The following RNPC3 variants were observed in gnomAD, a reference collection of about 807,000 sequenced individuals.
RNPC3 encodes the protein RNA binding region (RNP1, RRM) containing 3, also known as RNA-binding region-containing protein 3.
Under a neutral mutation model 67.5 loss-of-function variants are expected in RNPC3, and 48 were observed. That is an observed-to-expected ratio of 0.71 (90% CI 0.56 to 0.90). The LOEUF is 0.90. Ranked by LOEUF, RNPC3 falls within the 40% of genes least tolerant of loss-of-function variation. The pLI, the probability that RNPC3 is intolerant of heterozygous loss-of-function variation, is 0.00. For missense variants in RNPC3, 637 were observed against 626.1 expected (o/e 1.02, Z -0.19); for synonymous variants, 239 against 210.3 (o/e 1.14, Z -1.18).
Position 103,543,354 on chromosome 1 carries a change from A to G in RNPC3, c.952A>G (p.Asn318Asp). ...ATTTGACCAACCACAACCTGTAGGT[A>G]ACAAAAGAATTGAATTCCATATATC... is the stretch of plus-strand genomic sequence containing the variant. Reference protein sequence around the residue: ...DVFDQPQPVGNKRIEFHISTD... With the variant: ...DVFDQPQPVGDKRIEFHISTD... Residue 318 changes from asparagine (N) to aspartate (D), a missense_variant, in exon 9 of 15, where the codon AAC (asparagine) becomes GAC (aspartate). Asn to Asp is a conservative substitution (Grantham distance 23, BLOSUM62 1). Around this residue, in one of 3 missense-constraint regions of RNPC3, gnomAD observed 536 missense variants for 500.3 expected, o/e 1.07. Coordinates refer to ENST00000423855, the MANE Select transcript of RNPC3 (RefSeq NM_017619.4). 6.6e-7 allele frequency: 1 copy of G among 1,516,614 alleles called. No homozygotes were observed. Among genetic ancestry groups the G allele is most frequent in the Non-Finnish European group, 8.8e-7 (1 of 1,138,032 alleles). 93.9% of individuals were successfully genotyped at this position (1,516,614 alleles called of 1,614,324 possible).
At chr1:103,530,515 G>A (rs1030711503) in intron 2 of RNPC3, among the ~76,000 whole-genome samples, 1 of 152,162 alleles carries the variant, frequency 6.6e-6, no homozygotes, top group Non-Finnish European at 1.5e-5. Context: ...CAGACATAGT[G>A]GGAGTGATCT....
chr1:103,527,692 C>A lies in RNPC3; in HGVS notation c.193-3C>A, dbSNP rs1650752810. ...AGTAATTTGTACCTTAACTCTGTTT[C>A]AGAAACATACAGCTTTTGCCACATT... On this transcript the variant is annotated splice_polypyrimidine_tract_variant and splice_region_variant and intron_variant, in intron 1 of 14. Coordinates refer to ENST00000423855, the MANE Select transcript of RNPC3 (RefSeq NM_017619.4). 1 of 1,545,972 alleles carries A rather than the reference C, an allele frequency of 6.5e-7. No individual in the cohort carries two copies. The highest frequency in any genetic ancestry group is 1.2e-5 in the South Asian group (1 of 83,366).
At chr1:103,546,173 CAAAATTGTAATTATCTTT>C (rs1651239439) in intron 10 of RNPC3, 57 bp from the exon 11 acceptor site, 2 of 664,252 alleles carry the variant, frequency 3.0e-6, no homozygotes, top group African/African-American at 3.8e-5. Flanking sequence ...AATTAGGTTT[CAAAATTGTAATTATCTTT>C]AAAAACTTGC....
Position 103,546,403 on chromosome 1 carries a change from T to C in RNPC3, c.1302+61T>C, listed in dbSNP as rs1412817170. The C allele has an allele frequency of 4.8e-6, 4 of 839,048 alleles. No homozygotes were observed. In the East Asian group the frequency reaches 9.0e-5, roughly 19 times the overall value. The allele number at this position is 839,048 out of a possible 1,614,324, so 52.0% of individuals were successfully genotyped here. A position where few individuals can be genotyped will look rare whatever the true frequency, so the allele number is the denominator to read the frequency against. On this transcript the variant is annotated intron_variant, in intron 11 of 14. Transcript: ENST00000423855. ...AATAATTTGAAGGTTTTATAGTTGA[T>C]GTGTTAAAGTCTGTTTGAAACTACC...
At chr1:103,549,456 C>T (rs1396430819) in intron 12 of RNPC3, among the ~76,000 whole-genome samples, 2 of 151,986 alleles carry the variant, frequency 1.3e-5, no homozygotes, top group African/African-American at 4.8e-5. Flanking sequence ...TATATTTTTT[C>T]TGCTGGCCAT....
intron 2 of RNPC3, among the ~76,000 whole-genome samples, chr1:103,528,728 C>T (rs911801676): frequency 1.3e-5 from 2 of 152,060 alleles, no homozygotes; most frequent in Non-Finnish European, 2.9e-5. Flanking sequence ...TGGAAAGATT[C>T]TTCAACCATG....
intron 14 of RNPC3, chr1:103,552,751 C>G (rs1651427657): frequency 6.8e-6 from 1 of 147,664 alleles, no homozygotes; most frequent in Non-Finnish European, 1.5e-5. Context: ...GGCAACAGAG[C>G]AAGACTCCAT....
intron 7 of RNPC3, 58 bp from the exon 8 acceptor site, chr1:103,541,292 G>T (rs1651119840): frequency 1.5e-6 from 2 of 1,295,508 alleles, no homozygotes; most frequent in East Asian, 2.9e-5. Flanking sequence ...AGAAACAGTG[G>T]TAAATAGCTA....
chr1:103,532,321 T>C (rs977320063), intron 2 of RNPC3, among the ~76,000 whole-genome samples: 48 of 152,072 alleles, frequency 3.2e-4, no homozygotes, highest in African/African-American at 1.2e-3. Flanking sequence ...ATTTTTGACC[T>C]GAATAATTGG....
Position 103,526,037 on chromosome 1 carries a change from T to C in RNPC3, c.-34T>C. 6.8e-7 allele frequency: 1 copy of C among 1,479,370 alleles called. No individual in the cohort carries two copies. 91.6% of individuals were successfully genotyped at this position (1,479,370 alleles called of 1,614,324 possible). Reference sequence around the variant, plus strand: ...TGCCGCGATTTTGACTGAGACTTCTTCCCACGATTTCTGTTTTTGCTTCTC... The same window carrying C: ...TGCCGCGATTTTGACTGAGACTTCTCCCCACGATTTCTGTTTTTGCTTCTC... On this transcript the variant is annotated 5_prime_UTR_variant, in exon 1 of 15. Coordinates refer to ENST00000423855, the MANE Select transcript of RNPC3 (RefSeq NM_017619.4).
At chr1:103,549,618 C>T (rs912624997) in intron 12 of RNPC3, among the ~76,000 whole-genome samples, 1 of 152,068 alleles carries the variant, frequency 6.6e-6, no homozygotes, top group Non-Finnish European at 1.5e-5. Flanking sequence ...TTGCAAATTA[C>T]AATCTGATTT....
At chr1:103,533,497 C>T (rs1042384064) in intron 2 of RNPC3, among the ~76,000 whole-genome samples, 1 of 151,918 alleles carries the variant, frequency 6.6e-6, no homozygotes, top group Non-Finnish European at 1.5e-5. Context: ...TTTCAGCTGC[C>T]TGGGTATAAG....
At chr1:103,537,058 G>A (rs927563591) in intron 6 of RNPC3, among the ~76,000 whole-genome samples, 10 of 152,076 alleles carry the variant, frequency 6.6e-5, no homozygotes, top group Admixed American at 5.2e-4. Context: ...ATTGTATGTG[G>A]GAGTTTTTAA....
intron 6 of RNPC3, among the ~76,000 whole-genome samples, chr1:103,536,742 T>A (rs1650996039): frequency 6.6e-6 from 1 of 152,180 alleles, no homozygotes; most frequent in Admixed American, 6.5e-5. Flanking sequence ...TTTGTTTCTT[T>A]TCTAATGTAT....
At chr1:103,547,060 T>A in intron 12 of RNPC3, 25 bp downstream of exon 12, 1 of 1,339,452 alleles carries the variant, frequency 7.5e-7, no homozygotes, top group Non-Finnish European at 1.0e-6. Flanking sequence ...AATACAATCT[T>A]CAATTATATT....
chr1:103,545,605 A>G (rs1387782793), intron 10 of RNPC3: 1 of 152,492 alleles, frequency 6.6e-6, no homozygotes, highest in Non-Finnish European at 1.5e-5. Flanking sequence ...TGTGTAGCAC[A>G]TAATTTTTCC....
chr1:103,545,285 G>C (rs965907265), intron 10 of RNPC3, 183 bp downstream of exon 10: 2 of 487,380 alleles, frequency 4.1e-6, no homozygotes, highest in African/African-American at 4.1e-5. Flanking sequence ...ATAGTGGAGG[G>C]AACGTTCCTT....
chr1:103,538,106 A>G (rs752471233), intron 7 of RNPC3, among the ~76,000 whole-genome samples: 12 of 152,110 alleles, frequency 7.9e-5, no homozygotes, highest in African/African-American at 2.9e-4. Flanking sequence ...CAGCCTCCCA[A>G]AGTGCTGGGA....
At chr1:103,539,354 TAAAATC>T (rs895273515) in intron 7 of RNPC3, among the ~76,000 whole-genome samples, 5 of 152,282 alleles carry the variant, frequency 3.3e-5, no homozygotes, top group African/African-American at 9.6e-5. Flanking sequence ...AGGGAAGAGT[TAAAATC>T]AAAGCATAGG....
Sources: allele counts gnomAD v4.1 joint callset (sites outside exome capture counted in the v4.1 genomes callset), GRCh38; gene constraint gnomAD v4.1.1; regional missense constraint gnomAD v4.1.1; transcripts MANE v1.5; gene names NCBI Gene and HGNC (gene_info 2026-07-23, HGNC 2026-07-21).